Variants in PDZD2 observed in about 807,000 individuals in gnomAD.
PDZD2 encodes the protein PDZ domain containing 2, also known as PDZ domain-containing protein 2.
In PDZD2, 90 loss-of-function variants were observed where a neutral mutation model predicts 220.7. The ratio of observed to expected loss-of-function variants is 0.41; its 90% CI spans 0.34 to 0.49. PDZD2 has a LOEUF of 0.49. Ranked by LOEUF, PDZD2 falls within the 20% of genes least tolerant of loss-of-function variation. The probability of loss-of-function intolerance (pLI) is 0.28; values close to 1 mark genes in which losing one functional copy is unlikely to be tolerated. For synonymous variants in PDZD2, 1,375 were observed against 1,450.5 expected, an observed-to-expected ratio of 0.95 and a Z score of 1.18; for missense variants, 3,174 against 3,608.5, an observed-to-expected ratio of 0.88 and a Z score of 3.08.
At chr5:31,841,939 C>A (rs1266995803) in intron 2 of PDZD2, among the ~76,000 whole-genome samples, 1 of 151,992 alleles carries the variant, frequency 6.6e-6, no homozygotes, top group Non-Finnish European at 1.5e-5. Context: ...CCATTGCACT[C>A]CAGCCTGGGT....
intron 1 of PDZD2, among the ~76,000 whole-genome samples, chr5:31,680,329 A>C (rs1221537418): frequency 6.6e-6 from 1 of 152,150 alleles, no homozygotes; most frequent in African/African-American, 2.4e-5. Flanking sequence ...GGGAAATGGC[A>C]AACTTTTGCT....
chr5:32,008,847 G>A (rs1015144530), intron 5 of PDZD2, among the ~76,000 whole-genome samples: 4 of 152,174 alleles, frequency 2.6e-5, no homozygotes, highest in Non-Finnish European at 5.9e-5. Context: ...GTGGGCTTTC[G>A]GAAGGAGAGG....
chr5:31,865,905 A>G (rs1199124107), intron 2 of PDZD2, among the ~76,000 whole-genome samples: 1 of 149,838 alleles, frequency 6.7e-6, no homozygotes, highest in African/African-American at 2.5e-5. Context: ...TGCTGGGATT[A>G]CAGGCGTGAG....
chr5:31,660,997 G>A (rs1325209867), intron 1 of PDZD2, among the ~76,000 whole-genome samples: 1 of 152,156 alleles, frequency 6.6e-6, no homozygotes, highest in African/African-American at 2.4e-5. Flanking sequence ...ACCTCCCAAA[G>A]TGCTGGGATA....
chr5:31,995,971 T>G (rs150031607), intron 4 of PDZD2, among the ~76,000 whole-genome samples: 179 of 152,332 alleles, frequency 1.2e-3, no homozygotes, highest in African/African-American at 4.3e-3. Context: ...CTCTTTATAG[T>G]GCAGCTTTAG....
At chr5:31,802,556 G>A (rs1337469359) in intron 2 of PDZD2, among the ~76,000 whole-genome samples, 2 of 152,108 alleles carry the variant, frequency 1.3e-5, no homozygotes, top group African/African-American at 4.8e-5. Context: ...TAGACCAGTG[G>A]GATTCGTTAA....
intron 2 of PDZD2, among the ~76,000 whole-genome samples, chr5:31,902,173 C>T (rs1179017441): frequency 1.3e-5 from 2 of 152,176 alleles, no homozygotes; most frequent in African/African-American, 2.4e-5. Flanking sequence ...ACTTTTCCAA[C>T]GTTACTGCAC....
intron 1 of PDZD2, among the ~76,000 whole-genome samples, chr5:31,746,727 C>T (rs1279730044): frequency 6.6e-6 from 1 of 152,042 alleles, no homozygotes; most frequent in African/African-American, 2.4e-5. Flanking sequence ...GGCTTTTCCA[C>T]TGTGCTCTGC....
At chr5:32,053,913 A>G in intron 10 of PDZD2, 30 bp downstream of exon 10, 2 of 1,225,548 alleles carry the variant, frequency 1.6e-6, no homozygotes, top group Non-Finnish European at 2.4e-6. Flanking sequence ...ATCCTCAGTG[A>G]CAGTGACTTT....
chr5:31,935,641 T>C (rs183255067), intron 2 of PDZD2, among the ~76,000 whole-genome samples: 3 of 151,844 alleles, frequency 2.0e-5, no homozygotes, highest in African/African-American at 7.3e-5. Flanking sequence ...GGATGCAATT[T>C]AAAAAAAAAT....
chr5:31,678,051 A>C (rs1746507557), intron 1 of PDZD2, among the ~76,000 whole-genome samples: 1 of 152,204 alleles, frequency 6.6e-6, no homozygotes, highest in African/African-American at 2.4e-5. Flanking sequence ...GTATGCTTTA[A>C]ATATGTGTGG....
At position 31,711,223 on chromosome 5, in the gene PDZD2, T is replaced by C. The variant is rs79683535; in HGVS notation, c.-361+71786T>C. Among the ~76,000 whole-genome samples, 7 of 152,310 alleles carry C rather than the reference T, an allele frequency of 4.6e-5. No individual in the cohort carries two copies. The East Asian group carries it at 1.3e-3, about 29-fold the overall frequency. ...CCTAAGACAAAACCAGCAAGGCTCA[T>C]TCCTAATGGCTTTGCACCAGAATTT... On this transcript the variant is annotated intron_variant, in intron 1 of 24. Coordinates refer to ENST00000438447, the MANE Select transcript of PDZD2 (RefSeq NM_178140.4).
At chr5:31,776,450 T>TTTTATTTATTTATTTA (rs10592711) in intron 1 of PDZD2, among the ~76,000 whole-genome samples, 1 of 139,102 alleles carries the variant, frequency 7.2e-6, no homozygotes, top group Non-Finnish European at 1.5e-5. Flanking sequence ...TGTGTTTTTA[T>TTTTATTTATTTATTTA]TTTATTTATT....
intron 2 of PDZD2, among the ~76,000 whole-genome samples, chr5:31,849,897 TATATATACATATATATATATAC>T (rs1757833867): frequency 1.9e-4 from 5 of 26,464 alleles, no homozygotes; most frequent in African/African-American, 8.7e-4. Context: ...TACACATATA[TATATATACATATATATATATAC>T]ATATATATAT....
rs186129352 is a variant in PDZD2 at position 31,725,568 on chromosome 5, T to C, written c.-360-73321T>C. 8.0e-6 allele frequency: 12 copies of C among 1,490,872 alleles called. No homozygotes were observed. The African/African-American group carries it at 1.4e-4, about 17-fold the overall frequency. The allele number at this position is 1,490,872 out of a possible 1,614,324, so 92.4% of individuals were successfully genotyped here. A position where few individuals can be genotyped will look rare whatever the true frequency, so the allele number is the denominator to read the frequency against. ...ACTTAGGACTAGTCCAAGACCTTGA[T>C]CTAGATTTTGACCTAGACCTAGACT... On this transcript the variant is annotated intron_variant, in intron 1 of 24. Coordinates refer to ENST00000438447, the MANE Select transcript of PDZD2 (RefSeq NM_178140.4).
intron 2 of PDZD2, among the ~76,000 whole-genome samples, chr5:31,858,352 C>G (rs1325294934): frequency 6.6e-6 from 1 of 152,298 alleles, no homozygotes; most frequent in South Asian, 2.1e-4. Context: ...GATTGACTCT[C>G]GAATTTTCTT....
Position 31,698,837 on chromosome 5 carries a change from T to G in PDZD2, c.-361+59400T>G, listed in dbSNP as rs548431991. Reference sequence around the variant, plus strand: ...GTACCTGCAGATTCGGGCGGCAGCCTGAGGTCATCTGCCTTCAGAGCCACC... The same window carrying G: ...GTACCTGCAGATTCGGGCGGCAGCCGGAGGTCATCTGCCTTCAGAGCCACC... On this transcript the variant is annotated intron_variant, in intron 1 of 24. Coordinates refer to ENST00000438447, the MANE Select transcript of PDZD2 (RefSeq NM_178140.4). Among the ~76,000 whole-genome samples, 195 of 152,346 alleles carry G rather than the reference T, an allele frequency of 1.3e-3. 1 individual carries two copies. Among genetic ancestry groups the G allele is most frequent in the Admixed American group, 4.2e-3 (65 of 15,314 alleles).
intron 1 of PDZD2, among the ~76,000 whole-genome samples, chr5:31,767,783 G>T (rs1250255988): frequency 1.3e-5 from 2 of 152,196 alleles, no homozygotes; most frequent in Non-Finnish European, 2.9e-5. Context: ...TGAGAACAAG[G>T]TTCCTGGCCT....
In PDZD2 at chr5:31,646,405, GT is replaced by G. The variant is rs1745139190; in HGVS notation, c.-361+6969del. 6.6e-6 allele frequency among the ~76,000 whole-genome samples: 1 copy of G among 152,120 alleles called. No individual in the cohort carries two copies. Among genetic ancestry groups the G allele is most frequent in the Admixed American group, 6.5e-5 (1 of 15,272 alleles). ...GACCCCTCCACGTCATGAACACTAA[GT>G]AGCTCCTGACACTGCTTATGTTTGC... On this transcript the variant is annotated intron_variant, in intron 1 of 24. Coordinates refer to ENST00000438447, the MANE Select transcript of PDZD2 (RefSeq NM_178140.4). The surrounding 1 kb of genome is among the most constrained non-coding windows in gnomAD (Gnocchi z 4.7).
Sources: allele counts gnomAD v4.1 joint callset (sites outside exome capture counted in the v4.1 genomes callset), GRCh38; gene constraint gnomAD v4.1.1; non-coding constraint Gnocchi (gnomAD v3.1); transcripts MANE v1.5; gene names NCBI Gene and HGNC (gene_info 2026-07-23, HGNC 2026-07-21).